EPS8: variants seen among roughly 807,000 people sequenced by gnomAD.
The protein encoded by EPS8 is epidermal growth factor receptor kinase substrate 8.
In EPS8, 42 loss-of-function variants were observed where a neutral mutation model predicts 103.8. The observed-to-expected ratio is 0.40, with a 90% CI of 0.32 to 0.52. The LOEUF is 0.52. EPS8 is among the 20% of genes least tolerant of loss of function. The probability of loss-of-function intolerance (pLI) is 0.40; values close to 1 mark genes in which losing one functional copy is unlikely to be tolerated. For missense variants in EPS8, 969 were observed against 1,005.1 expected (o/e 0.96, Z 0.49); for synonymous variants, 344 against 344.6 (o/e 1.00, Z 0.02).
At chr12:15,654,045 G>T in intron 13 of EPS8, 100 bp downstream of exon 13, 2 of 1,157,582 alleles carry the variant, frequency 1.7e-6, no homozygotes, top group Non-Finnish European at 2.5e-6. Context: ...ATCCTATGAC[G>T]CTTAGTCCTT....
At chr12:15,641,685 C>A in intron 16 of EPS8, 37 bp downstream of exon 16, 1 of 1,000,596 alleles carries the variant, frequency 1.0e-6, no homozygotes, top group South Asian at 1.6e-5. Flanking sequence ...AATAAAACTA[C>A]TTTATTAAGA....
In EPS8 at chr12:15,744,758, A is replaced by G. The variant is rs114983539; in HGVS notation, c.-22+44403T>C. ...AAATGCTGAAACAAAGGTTATGGGA[A>G]TAGTACAAACAAGAATTTAATTAAA... On this transcript the variant is annotated intron_variant, in intron 1 of 20. Coordinates refer to ENST00000281172, the MANE Select transcript of EPS8 (RefSeq NM_004447.6). 8.1e-3 allele frequency among the ~76,000 whole-genome samples: 1,227 copies of G among 152,374 alleles called. 17 individuals are homozygous for G. Among genetic ancestry groups the G allele is most frequent in the African/African-American group, 0.028 (1,145 of 41,576 alleles).
At chr12:15,756,584 C>T (rs1198173082) in intron 1 of EPS8, among the ~76,000 whole-genome samples, 3 of 152,106 alleles carry the variant, frequency 2.0e-5, no homozygotes, top group Non-Finnish European at 4.4e-5. Flanking sequence ...AGAATTTACC[C>T]AATCAACAAC....
rs1201565273 is a variant in EPS8, at chr12:15,759,252, AG to A, written c.-22+29908del. ...TTTTGATTAACTGACTAATTTTAAA[AG>A]GAACATCTATTAATTCAATTGGGAA... On this transcript the variant is annotated intron_variant, in intron 1 of 20. Transcript: ENST00000281172. The surrounding 1 kb of genome is among the most constrained non-coding windows in gnomAD (Gnocchi z 4.9). Among the ~76,000 whole-genome samples the A allele has an allele frequency of 1.3e-5, 2 of 152,158 alleles. No individual in the cohort carries two copies. Among genetic ancestry groups the A allele is most frequent in the African/African-American group, 4.8e-5 (2 of 41,456 alleles).
chr12:15,662,129 A>G (rs763590363), intron 8 of EPS8, 30 bp from the exon 9 acceptor site: 4 of 1,593,938 alleles, frequency 2.5e-6, no homozygotes, highest in Non-Finnish European at 1.7e-6. Context: ...AAGTCTTTCA[A>G]TCTTTTACTC....
chr12:15,652,128 T>A, intron 13 of EPS8, among the ~76,000 whole-genome samples: 1 of 152,154 alleles, frequency 6.6e-6, no homozygotes, highest in East Asian at 1.9e-4. Context: ...TGGAATATTA[T>A]TCAGCCATAA....
chr12:15,695,920 A>G lies in EPS8; in HGVS notation c.-21-12948T>C, dbSNP rs888150714. On this transcript the variant is annotated intron_variant, in intron 1 of 20. Coordinates refer to ENST00000281172, the MANE Select transcript of EPS8 (RefSeq NM_004447.6). The surrounding 1 kb of genome is among the most constrained non-coding windows in gnomAD (Gnocchi z 5.0). ...AGCCCAGGAGGCGGAGGTTGCAAAAAGAATAAATATGACAACTTCTGTTAA... is the reference window on the plus strand; with the variant it reads ...AGCCCAGGAGGCGGAGGTTGCAAAAGGAATAAATATGACAACTTCTGTTAA... 1.3e-5 allele frequency among the ~76,000 whole-genome samples: 2 copies of G among 152,234 alleles called. No homozygotes were observed. The highest frequency in any genetic ancestry group is 4.8e-5 in the African/African-American group (2 of 41,460).
intron 8 of EPS8, among the ~76,000 whole-genome samples, chr12:15,663,944 A>ATAATAATAATAATAAT (rs1264237107): frequency 3.3e-4 from 28 of 85,948 alleles, no homozygotes; most frequent in East Asian, 1.4e-3. Flanking sequence ...AAAAAAAAAA[A>ATAATAATAATAATAAT]AATAATATAT....
chr12:15,744,945 G>A lies in EPS8; in HGVS notation c.-22+44216C>T, dbSNP rs193217049. 7.9e-5 allele frequency among the ~76,000 whole-genome samples: 12 copies of A among 151,880 alleles called. No homozygotes were observed. The East Asian group carries it at 1.6e-3, about 20-fold the overall frequency. ...GGCTAGAGTGCAGTGGCGCGATCTC[G>A]GCTCACCTCCCAGGTTCAAGTGATT... On this transcript the variant is annotated intron_variant, in intron 1 of 20. Transcript: ENST00000281172.
In EPS8 at chr12:15,717,793, A is replaced by T. The variant is rs1167987229; in HGVS notation, c.-21-34821T>A. On this transcript the variant is annotated intron_variant, in intron 1 of 20. Transcript: ENST00000281172. This position sits in a 1 kb window ranked among gnomAD's most constrained non-coding sequence, Gnocchi z 4.3. Reference sequence around the variant, plus strand: ...GAAAAATGAACCGCAAAATTATGTAACAGGGAATATAAATGAACAAAATGG... The same window carrying T: ...GAAAAATGAACCGCAAAATTATGTATCAGGGAATATAAATGAACAAAATGG... Among the ~76,000 whole-genome samples, 1 of 152,192 alleles carries T rather than the reference A, an allele frequency of 6.6e-6. No homozygotes were observed. The highest frequency in any genetic ancestry group is 2.4e-5 in the African/African-American group (1 of 41,442).
chr12:15,669,792 C>A lies in EPS8; in HGVS notation c.238G>T (p.Ala80Ser), dbSNP rs978483858. 12 of 1,609,498 alleles carry A rather than the reference C, an allele frequency of 7.5e-6. No homozygotes were observed. The African/African-American group carries it at 1.3e-4, about 18-fold the overall frequency. The stretch of plus-strand genomic sequence containing the variant: ...ATTCCATCATCAACAGTGATCATAG[C>A]ATCTTTCCGATCCAGGACAAAGGTA... ...LTTFVLDRKD[A>S]MITVDDGIRK... The change falls in exon 5 of 21, where the codon GCT becomes TCT. Residue 80 changes from alanine (A) to serine (S), a missense_variant. Ala to Ser is a moderately conservative substitution (Grantham distance 99). Coordinates refer to ENST00000281172, the MANE Select transcript of EPS8 (RefSeq NM_004447.6).
intron 18 of EPS8, 96 bp from the exon 19 acceptor site, chr12:15,624,503 G>T: frequency 1.2e-6 from 1 of 869,394 alleles, no homozygotes; most frequent in Non-Finnish European, 1.7e-6. Context: ...ACCCCAGTAG[G>T]ACCTACAGTC....
rs2136038997 is a variant in EPS8, at chr12:15,767,631, T to G, written c.-22+21530A>C. Among the ~76,000 whole-genome samples the G allele has an allele frequency of 6.6e-6, 1 of 152,282 alleles. No individual in the cohort carries two copies. Among genetic ancestry groups the G allele is most frequent in the Non-Finnish European group, 1.5e-5 (1 of 68,016 alleles). The stretch of plus-strand genomic sequence containing the variant: ...ATTTTTCCAATACATTAAAAAAGGC[T>G]TATATTCACCCACCTCTCTCAACAC... On this transcript the variant is annotated intron_variant, in intron 1 of 20. Coordinates refer to ENST00000281172, the MANE Select transcript of EPS8 (RefSeq NM_004447.6). The surrounding 1 kb of genome is among the most constrained non-coding windows in gnomAD (Gnocchi z 5.5).
chr12:15,625,858 G>A (rs1944935808), intron 18 of EPS8, among the ~76,000 whole-genome samples: 1 of 152,248 alleles, frequency 6.6e-6, no homozygotes, highest in South Asian at 2.1e-4. Context: ...TTAGGTTCAT[G>A]GCCATTTAAA....
intron 1 of EPS8, among the ~76,000 whole-genome samples, chr12:15,707,572 C>T (rs1419209110): frequency 6.6e-6 from 1 of 151,712 alleles, no homozygotes; most frequent in Non-Finnish European, 1.5e-5. Flanking sequence ...AAAAAAATCA[C>T]ATGCTACAAA....
In EPS8 at chr12:15,621,156, C is replaced by T. The variant is rs1367751706; in HGVS notation, c.*161G>A. Reference sequence around the variant, plus strand: ...TTCAGTTTTAATAAAAATAATGGGCCTAGAAGCAAATCCTGTGCTCACTCA... The same window carrying T: ...TTCAGTTTTAATAAAAATAATGGGCTTAGAAGCAAATCCTGTGCTCACTCA... On this transcript the variant is annotated 3_prime_UTR_variant, in exon 21 of 21. Coordinates refer to ENST00000281172, the MANE Select transcript of EPS8 (RefSeq NM_004447.6). The T allele has an allele frequency of 6.5e-6, 3 of 465,114 alleles. No homozygotes were observed. The highest frequency in any genetic ancestry group is 1.1e-5 in the Non-Finnish European group (3 of 268,924). The allele number at this position is 465,114 out of a possible 1,614,324, so 28.8% of individuals were successfully genotyped here. A position where few individuals can be genotyped will look rare whatever the true frequency, so the allele number is the denominator to read the frequency against.
chr12:15,762,465 T>C lies in EPS8; in HGVS notation c.-22+26696A>G, dbSNP rs1341038309. 6.6e-6 allele frequency among the ~76,000 whole-genome samples: 1 copy of C among 152,174 alleles called. No homozygotes were observed. Among genetic ancestry groups the C allele is most frequent in the Non-Finnish European group, 1.5e-5 (1 of 68,026 alleles). On this transcript the variant is annotated intron_variant, in intron 1 of 20. Coordinates refer to ENST00000281172, the MANE Select transcript of EPS8 (RefSeq NM_004447.6). The surrounding 1 kb of genome is among the most constrained non-coding windows in gnomAD (Gnocchi z 4.8). ...ACCCAAAAGAAAGGAAATCAGTATA[T>C]CAAAGGGATATCTGCACTCCCATAT...
At chr12:15,755,137 ATCT>A (rs1271295074) in intron 1 of EPS8, among the ~76,000 whole-genome samples, 5 of 152,354 alleles carry the variant, frequency 3.3e-5, no homozygotes, top group Middle Eastern at 3.4e-3. Context: ...GACATCACTC[ATCT>A]AGAGGCACAC....
intron 14 of EPS8, among the ~76,000 whole-genome samples, chr12:15,649,938 T>G (rs1483336368): frequency 6.6e-6 from 1 of 152,170 alleles, no homozygotes; most frequent in Non-Finnish European, 1.5e-5. Flanking sequence ...CTAGTCATCA[T>G]TTACTGTTTC....
Sources: allele counts gnomAD v4.1 joint callset (sites outside exome capture counted in the v4.1 genomes callset), GRCh38; gene constraint gnomAD v4.1.1; non-coding constraint Gnocchi (gnomAD v3.1); transcripts MANE v1.5; gene names NCBI Gene and HGNC (gene_info 2026-07-23, HGNC 2026-07-21).